Variants in HSF1 observed in about 807,000 individuals in gnomAD.
The protein encoded by HSF1 is heat shock transcription factor 1, also known as heat shock factor protein 1.
In HSF1, 32 loss-of-function variants were observed where a neutral mutation model predicts 51.7. The ratio of observed to expected loss-of-function variants is 0.62; its 90% CI spans 0.47 to 0.83. HSF1 has a LOEUF of 0.83. Among genes scored for constraint, HSF1 ranks in the 40% least tolerant of loss-of-function variants. HSF1 has a pLI of 0.00. For missense variants in HSF1, 727 were observed against 717.0 expected, an observed-to-expected ratio of 1.01 and a Z score of -0.16; for synonymous variants, 396 against 309.7, an observed-to-expected ratio of 1.28 and a Z score of -2.92.
intron 4 of HSF1, chr8:144,310,926 G>A (rs567357059): frequency 5.6e-5 from 31 of 556,104 alleles, no homozygotes; most frequent in East Asian, 3.0e-4. Flanking sequence ...CACCTGGCTC[G>A]CATGGATCCA....
At chr8:144,310,169 G>A (rs1816528344) in intron 4 of HSF1, 1 of 433,182 alleles carries the variant, frequency 2.3e-6, no homozygotes, top group Non-Finnish European at 4.2e-6. Context: ...CTTCTGCCTG[G>A]CTCCGAGCTT....
chr8:144,309,921 G>A (rs782048899), intron 4 of HSF1, 25 bp downstream of exon 4: 2 of 1,599,162 alleles, frequency 1.3e-6, no homozygotes, highest in African/African-American at 2.7e-5. Context: ...AGCATTATGG[G>A]CCACAGCGGG....
intron 4 of HSF1, 122 bp downstream of exon 4, chr8:144,310,018 G>T (rs1554844069): frequency 8.3e-7 from 1 of 1,202,606 alleles, no homozygotes; most frequent in Non-Finnish European, 1.2e-6. Context: ...CCCGCTCCAC[G>T]CACATCTACC....
Position 144,313,887 on chromosome 8 carries a change from T to C in HSF1, c.1290T>C (p.Pro430=). ...PSVTVPDMSL[P]DLDSSLASIQ... Reference sequence around the variant, plus strand: ...TGACCGTGCCCGACATGAGCCTGCCTGACCTTGACAGCAGCCTGGCCAGTG... The same window carrying C: ...TGACCGTGCCCGACATGAGCCTGCCCGACCTTGACAGCAGCCTGGCCAGTG... The change falls in exon 11 of 13, where the codon CCT becomes CCC. Residue 430 remains proline (P), a synonymous_variant. Coordinates refer to ENST00000528838, the MANE Select transcript of HSF1 (RefSeq NM_005526.4). 1.2e-6 allele frequency: 2 copies of C among 1,605,808 alleles called. No homozygotes were observed. The highest frequency in any genetic ancestry group is 1.7e-4 in the Middle Eastern group (1 of 6,048).
chr8:144,306,021 C>T (rs1225353957), intron 1 of HSF1, among the ~76,000 whole-genome samples: 6 of 151,890 alleles, frequency 4.0e-5, no homozygotes, highest in Non-Finnish European at 7.4e-5. Flanking sequence ...CGTGAGCCAC[C>T]GCGCCCGGCC....
At chr8:144,300,515 G>A (rs1357464989) in intron 1 of HSF1, among the ~76,000 whole-genome samples, 2 of 152,180 alleles carry the variant, frequency 1.3e-5, no homozygotes, top group African/African-American at 4.8e-5. Context: ...CCGGCCTGTT[G>A]TGTACTCTTG....
chr8:144,314,119 C>G lies in HSF1; in HGVS notation c.1385-6C>G, dbSNP rs782615500. 1.4e-5 allele frequency: 21 copies of G among 1,544,782 alleles called. No homozygotes were observed. Among genetic ancestry groups the G allele is most frequent in the African/African-American group, 2.8e-5 (2 of 72,638 alleles). ...CCCCACCGCCTTGACACCCCCACCC[C>G]CGCAGGGAAGCAGCTGGTGCACTAC... On this transcript the variant is annotated splice_polypyrimidine_tract_variant and splice_region_variant and intron_variant, in intron 12 of 12. Transcript: ENST00000528838.
At chr8:144,313,419 G>T in intron 9 of HSF1, 92 bp from the exon 10 acceptor site, 1 of 827,808 alleles carries the variant, frequency 1.2e-6, no homozygotes, top group Non-Finnish European at 2.0e-6. Context: ...GCAGCCTGGG[G>T]GGTACAGTCA....
intron 4 of HSF1, chr8:144,310,114 AGGGT>A: frequency 1.7e-6 from 1 of 577,122 alleles, no homozygotes; most frequent in Non-Finnish European, 3.1e-6. Context: ...GGGGGTTGGG[AGGGT>A]CCCCTGCTCT....
At chr8:144,311,933 G>T (rs371398407) in intron 8 of HSF1, 30 bp from the exon 9 acceptor site, 1 of 1,580,792 alleles carries the variant, frequency 6.3e-7, no homozygotes, top group Non-Finnish European at 8.6e-7. Context: ...TGGCCGAGAC[G>T]CCAGCTCACC....
rs781902653 is a variant in HSF1, at chr8:144,313,569, A to G, written c.1201A>G (p.Met401Val). 24 of 1,611,844 alleles carry G rather than the reference A, an allele frequency of 1.5e-5. No homozygotes were observed. In the East Asian group the frequency reaches 4.7e-4, roughly 31 times the overall value. Residue 401 changes from methionine (M) to valine (V), a missense_variant, in exon 10 of 13, where the codon ATG becomes GTG. Transcript: ENST00000528838. ...MDSNLDNLQTMLSSHGFSVDT... is the reference protein window; with the variant it reads ...MDSNLDNLQTVLSSHGFSVDT... Reference sequence around the variant, plus strand: ...CTCCAACCTGGATAACCTGCAGACCATGCTGAGCAGCCACGGCTTCAGCGT... The same window carrying G: ...CTCCAACCTGGATAACCTGCAGACCGTGCTGAGCAGCCACGGCTTCAGCGT...
chr8:144,308,390 C>T (rs547478088), intron 1 of HSF1, among the ~76,000 whole-genome samples: 1 of 152,356 alleles, frequency 6.6e-6, no homozygotes, highest in East Asian at 1.9e-4. Flanking sequence ...TCTTGTCTCA[C>T]GTCACAAAAC....
intron 1 of HSF1, chr8:144,292,624 G>A (rs181592186): frequency 5.3e-5 from 8 of 152,356 alleles, no homozygotes; most frequent in African/African-American, 1.7e-4. Context: ...TGTCCGGTGA[G>A]GGGCAGAGCC....
chr8:144,311,338 C>T lies in HSF1; in HGVS notation c.582C>T (p.Ile194=), dbSNP rs781869088. The T allele has an allele frequency of 1.9e-6, 3 of 1,614,004 alleles. No homozygotes were observed. Among genetic ancestry groups the T allele is most frequent in the African/African-American group, 1.3e-5 (1 of 75,062 alleles). Residue 194 remains isoleucine (I), a synonymous_variant, in exon 6 of 13, where the codon ATC becomes ATT. Transcript: ENST00000528838. ...KVVNKLIQFL[I]SLVQSNRILG... ...CTCCACAGCTCATTCAGTTCCTGAT[C>T]TCACTGGTGCAGTCAAACCGGATCC... is the stretch of plus-strand genomic sequence containing the variant.
chr8:144,293,269 G>A (rs1554840728), intron 1 of HSF1, among the ~76,000 whole-genome samples: 1 of 152,180 alleles, frequency 6.6e-6, no homozygotes, highest in South Asian at 2.1e-4. Flanking sequence ...AACACTTTGT[G>A]TTTGTCCCGC....
chr8:144,294,492 C>A (rs1197446169), intron 1 of HSF1, among the ~76,000 whole-genome samples: 1 of 152,240 alleles, frequency 6.6e-6, no homozygotes, highest in Non-Finnish European at 1.5e-5. Flanking sequence ...CTATTTGACA[C>A]AAGAAGATGA....
At position 144,313,925 on chromosome 8, in the gene HSF1, CG is replaced by C; in HGVS notation, c.1314+20del. The C allele has an allele frequency of 1.2e-6, 2 of 1,609,826 alleles. No homozygotes were observed. The highest frequency in any genetic ancestry group is 1.7e-6 in the Non-Finnish European group (2 of 1,179,104). On this transcript the variant is annotated intron_variant, in intron 11 of 12. Coordinates refer to ENST00000528838, the MANE Select transcript of HSF1 (RefSeq NM_005526.4). ...AGCCTGGCCAGTGTGCGTAGGCGGG[CG>C]GGGGGTGAGGGGGAACGAGACCAGC...
intron 4 of HSF1, 43 bp downstream of exon 4, chr8:144,309,939 G>T (rs555702316): frequency 6.3e-7 from 1 of 1,593,454 alleles, no homozygotes; most frequent in Non-Finnish European, 8.6e-7. Context: ...GGGTCCTGGC[G>T]CCCACCAAGA....
Position 144,291,986 on chromosome 8 carries a change from C to CG in HSF1, c.117+114dup. 1 of 517,770 alleles carries CG rather than the reference C, an allele frequency of 1.9e-6. No homozygotes were observed. Among genetic ancestry groups the CG allele is most frequent in the South Asian group, 3.5e-5 (1 of 28,860 alleles). The allele number at this position is 517,770 out of a possible 1,614,324, so 32.1% of individuals were successfully genotyped here. A position where few individuals can be genotyped will look rare whatever the true frequency, so the allele number is the denominator to read the frequency against. On this transcript the variant is annotated intron_variant, in intron 1 of 12. Transcript: ENST00000528838. The surrounding 1 kb of genome is among the most constrained non-coding windows in gnomAD (Gnocchi z 4.1). ...GCCCTGCCGCACTTCAGCTTACGCG[C>CG]GGTGAGCCTGCCCTGCCCCCGCCAG... is the stretch of plus-strand genomic sequence containing the variant.
Sources: allele counts gnomAD v4.1 joint callset (sites outside exome capture counted in the v4.1 genomes callset), GRCh38; gene constraint gnomAD v4.1.1; non-coding constraint Gnocchi (gnomAD v3.1); transcripts MANE v1.5; gene names NCBI Gene and HGNC (gene_info 2026-07-23, HGNC 2026-07-21).